The following SORCS3 variants were observed in gnomAD, a reference collection of about 807,000 sequenced individuals.
The protein encoded by SORCS3 is sortilin related VPS10 domain containing receptor 3.
A neutral mutation model predicts 146.3 loss-of-function variants in SORCS3; 57 were observed. The observed-to-expected ratio is 0.39, with a 90% CI of 0.31 to 0.49. The LOEUF is 0.49. Among genes scored for constraint, SORCS3 ranks in the 20% least tolerant of loss-of-function variants. The probability of loss-of-function intolerance (pLI) is 0.92; values close to 1 mark genes in which losing one functional copy is unlikely to be tolerated. For missense variants in SORCS3, 1,341 were observed against 1,575.5 expected (o/e 0.85, Z 2.52); for synonymous variants, 653 against 618.5 (o/e 1.06, Z -0.83).
intron 7 of SORCS3, among the ~76,000 whole-genome samples, chr10:105,109,686 T>C (rs894811278): frequency 8.5e-5 from 13 of 152,122 alleles, no homozygotes; most frequent in African/African-American, 1.9e-4. Context: ...ATATTTTTCA[T>C]TAAGGCATCT....
chr10:104,890,208 A>C (rs2018734996), intron 2 of SORCS3, among the ~76,000 whole-genome samples: 1 of 152,026 alleles, frequency 6.6e-6, no homozygotes, highest in Admixed American at 6.6e-5. Flanking sequence ...AGTTTTCACC[A>C]GGTTTTGAAA....
intron 1 of SORCS3, among the ~76,000 whole-genome samples, chr10:104,714,586 T>C (rs888419452): frequency 6.6e-6 from 1 of 152,240 alleles, no homozygotes; most frequent in African/African-American, 2.4e-5. Context: ...TATTGGTTTC[T>C]AGTCTAATTC....
chr10:104,689,827 A>G (rs1221956113), intron 1 of SORCS3, among the ~76,000 whole-genome samples: 2 of 152,178 alleles, frequency 1.3e-5, no homozygotes, highest in African/African-American at 4.8e-5. Context: ...GCCTAGAGAA[A>G]AGGAATTCCA....
At chr10:104,787,632 G>T (rs185838937) in intron 1 of SORCS3, among the ~76,000 whole-genome samples, 1 of 152,208 alleles carries the variant, frequency 6.6e-6, no homozygotes, top group East Asian at 1.9e-4. Flanking sequence ...TTTCCAGAAA[G>T]AATTTTTGCC....
At chr10:104,764,581 G>A (rs1390934532) in intron 1 of SORCS3, among the ~76,000 whole-genome samples, 1 of 152,186 alleles carries the variant, frequency 6.6e-6, no homozygotes, top group African/African-American at 2.4e-5. Context: ...TAGTTGTAGG[G>A]TCAAGTGATA....
chr10:104,735,491 G>GTTTCTTTA (rs1434999500), intron 1 of SORCS3, among the ~76,000 whole-genome samples: 1 of 32,750 alleles, frequency 3.1e-5, no homozygotes, highest in Non-Finnish European at 5.8e-5. Flanking sequence ...CAATCCCTTT[G>GTTTCTTTA]TTTCTTTAGG....
At chr10:104,818,366 TTC>T (rs1199122617) in intron 1 of SORCS3, among the ~76,000 whole-genome samples, 3 of 139,962 alleles carry the variant, frequency 2.1e-5, no homozygotes, top group Non-Finnish European at 4.5e-5. Flanking sequence ...CCTTTCTTCC[TTC>T]CTTCCTTCCT....
intron 3 of SORCS3, among the ~76,000 whole-genome samples, chr10:104,960,788 C>T (rs2054791304): frequency 6.6e-6 from 1 of 152,072 alleles, no homozygotes; most frequent in Admixed American, 6.6e-5. Flanking sequence ...TTGAGGCTTC[C>T]TATAGGAAGA....
In SORCS3 at chr10:104,917,737, G is replaced by T. The variant is rs2019047063; in HGVS notation, c.795+1805G>T. Among the ~76,000 whole-genome samples, 3 of 152,086 alleles carry T rather than the reference G, an allele frequency of 2.0e-5. No homozygotes were observed. The South Asian group carries it at 6.2e-4, about 32-fold the overall frequency. Reference sequence around the variant, plus strand: ...TTCCACATATGCGTGAGATCAAATGGTATTTGTCTGTCTGTGTCTGGCTTA... The same window carrying T: ...TTCCACATATGCGTGAGATCAAATGTTATTTGTCTGTCTGTGTCTGGCTTA... On this transcript the variant is annotated intron_variant, in intron 3 of 26. Coordinates refer to ENST00000369701, the MANE Select transcript of SORCS3 (RefSeq NM_014978.3).
chr10:104,654,793 C>T (rs763748560), intron 1 of SORCS3, among the ~76,000 whole-genome samples: 1 of 152,196 alleles, frequency 6.6e-6, no homozygotes, highest in Non-Finnish European at 1.5e-5. Flanking sequence ...TAAGATACCT[C>T]TGACTTTGTT....
chr10:105,103,544 G>A (rs372678154), intron 6 of SORCS3, among the ~76,000 whole-genome samples: 5 of 152,168 alleles, frequency 3.3e-5, no homozygotes, highest in African/African-American at 1.2e-4. Context: ...CAGATGACAA[G>A]AAAGTGTCCC....
intron 14 of SORCS3, among the ~76,000 whole-genome samples, chr10:105,195,048 T>G (rs568378450): frequency 6.6e-6 from 1 of 152,294 alleles, no homozygotes; most frequent in South Asian, 2.1e-4. Context: ...AGAGGACTTT[T>G]TGAAATAAGT....
At chr10:105,011,037 C>A (rs1439566644) in intron 4 of SORCS3, among the ~76,000 whole-genome samples, 1 of 152,154 alleles carries the variant, frequency 6.6e-6, no homozygotes, top group Non-Finnish European at 1.5e-5. Flanking sequence ...AATCATCATA[C>A]TTCCTGGCTG....
At chr10:104,865,288 C>T (rs2133563712) in intron 2 of SORCS3, among the ~76,000 whole-genome samples, 1 of 152,240 alleles carries the variant, frequency 6.6e-6, no homozygotes, top group East Asian at 1.9e-4. Flanking sequence ...GGCCGGAATC[C>T]ACAGCAGAAG....
intron 12 of SORCS3, among the ~76,000 whole-genome samples, chr10:105,165,369 A>G (rs756828079): frequency 3.3e-5 from 5 of 152,188 alleles, no homozygotes; most frequent in Non-Finnish European, 7.4e-5. Flanking sequence ...AAAGTGAGAC[A>G]GTTTCTCCGT....
In SORCS3 at chr10:104,652,058, A is replaced by G. The variant is rs1035850011; in HGVS notation, c.627+10104A>G. Among the ~76,000 whole-genome samples the G allele has an allele frequency of 1.7e-4, 11 of 64,748 alleles. No individual in the cohort carries two copies. In the East Asian group the frequency reaches 2.9e-3, roughly 17 times the overall value. 42.5% of individuals were successfully genotyped at this position (64,748 alleles called of 152,430 possible). ...AAACCCCAGTTTTAAATATATTTTAAATGTGTGTGTGTGTGTGTGTGTGTG... is the reference window on the plus strand; with the variant it reads ...AAACCCCAGTTTTAAATATATTTTAGATGTGTGTGTGTGTGTGTGTGTGTG... On this transcript the variant is annotated intron_variant, in intron 1 of 26. Coordinates refer to ENST00000369701, the MANE Select transcript of SORCS3 (RefSeq NM_014978.3).
chr10:104,766,476 C>A (rs2017180978), intron 1 of SORCS3, among the ~76,000 whole-genome samples: 1 of 152,172 alleles, frequency 6.6e-6, no homozygotes, highest in Non-Finnish European at 1.5e-5. Flanking sequence ...CTCATGTGAG[C>A]TTTGTGGGAA....
intron 6 of SORCS3, among the ~76,000 whole-genome samples, chr10:105,094,749 C>T (rs1466892963): frequency 2.6e-5 from 4 of 152,184 alleles, no homozygotes; most frequent in Non-Finnish European, 5.9e-5. Context: ...ATCTCAGAAA[C>T]AGAATGTTTG....
In SORCS3 at chr10:104,977,938, G is replaced by C. The variant is rs560329145; in HGVS notation, c.954+445G>C. On this transcript the variant is annotated intron_variant, in intron 4 of 26. Coordinates refer to ENST00000369701, the MANE Select transcript of SORCS3 (RefSeq NM_014978.3). ...GTAGAGACGGGGTTTCACCAAGTTGGCCAGGATGGTCTCGATCTCTTAACC... is the reference window on the plus strand; with the variant it reads ...GTAGAGACGGGGTTTCACCAAGTTGCCCAGGATGGTCTCGATCTCTTAACC... Among the ~76,000 whole-genome samples the C allele has an allele frequency of 1.8e-3, 273 of 151,918 alleles. 1 individual carries two copies. The Middle Eastern group carries it at 0.034, about 19-fold the overall frequency.
Sources: allele counts gnomAD v4.1 joint callset (sites outside exome capture counted in the v4.1 genomes callset), GRCh38; gene constraint gnomAD v4.1.1; transcripts MANE v1.5; gene names NCBI Gene and HGNC (gene_info 2026-07-23, HGNC 2026-07-21).